The following PRELID2 variants were observed in gnomAD, a reference collection of about 807,000 sequenced individuals.
The protein encoded by PRELID2 is PRELI domain-containing protein 2.
In PRELID2, 25 loss-of-function variants were observed where a neutral mutation model predicts 28.4. That is an observed-to-expected ratio of 0.88 (90% CI 0.64 to 1.23). The LOEUF is 1.23. Ranked by LOEUF, PRELID2 falls within the 50% of genes most tolerant of loss-of-function variation. PRELID2 has a pLI of 0.00. For missense variants in PRELID2, 201 were observed against 214.4 expected, an observed-to-expected ratio of 0.94 and a Z score of 0.39; for synonymous variants, 76 against 71.6, an observed-to-expected ratio of 1.06 and a Z score of -0.31.
chr5:145,452,850 C>T, the PRELID2 span, among the ~76,000 whole-genome samples: 954 of 152,208 alleles, frequency 6.3e-3, 5 homozygotes, highest in African/African-American at 8.5e-3. Context: ...GCAAACACAT[C>T]AATGCCATTG....
chr5:145,459,487 A>G, the PRELID2 span, among the ~76,000 whole-genome samples: 1 of 152,158 alleles, frequency 6.6e-6, no homozygotes, highest in Non-Finnish European at 1.5e-5. Flanking sequence ...TCCCCATAGA[A>G]TCTATTCTTC....
At chr5:145,517,094 A>C (rs1752523787) in intron 1 of PRELID2, among the ~76,000 whole-genome samples, 1 of 152,192 alleles carries the variant, frequency 6.6e-6, no homozygotes, top group Non-Finnish European at 1.5e-5. Flanking sequence ...CTTCATGACT[A>C]AAACACCAAA....
At chr5:145,431,205 C>T in the PRELID2 span, among the ~76,000 whole-genome samples, 1 of 151,686 alleles carries the variant, frequency 6.6e-6, no homozygotes, top group African/African-American at 2.4e-5. Context: ...TTTATCCACT[C>T]CCAATCACTA....
At chr5:145,721,577 TA>T (rs1167071932) in intron 1 of PRELID2, among the ~76,000 whole-genome samples, 4 of 152,074 alleles carry the variant, frequency 2.6e-5, no homozygotes, top group Non-Finnish European at 5.9e-5. Context: ...ACAACTGAAA[TA>T]AAGTGACAGA....
intron 1 of PRELID2, among the ~76,000 whole-genome samples, chr5:145,583,040 C>T (rs1283083826): frequency 6.6e-6 from 1 of 152,084 alleles, no homozygotes; most frequent in Admixed American, 6.6e-5. Context: ...CAAAAATTCT[C>T]AATAAAATAC....
At chr5:145,811,770 C>A (rs952386289) in intron 4 of PRELID2, among the ~76,000 whole-genome samples, 1 of 152,208 alleles carries the variant, frequency 6.6e-6, no homozygotes, top group East Asian at 1.9e-4. Flanking sequence ...GCCTTGCTGG[C>A]TTTCCAATTC....
chr5:145,633,445 C>T (rs1753957760), intron 1 of PRELID2, among the ~76,000 whole-genome samples: 1 of 152,154 alleles, frequency 6.6e-6, no homozygotes, highest in Non-Finnish European at 1.5e-5. Flanking sequence ...CTCTAGTTCA[C>T]ATTTTCCTGG....
chr5:145,236,872 G>A, the PRELID2 span, among the ~76,000 whole-genome samples: 1 of 152,120 alleles, frequency 6.6e-6, no homozygotes, highest in African/African-American at 2.4e-5. Context: ...TATGTCTGTG[G>A]CACTTATTTT....
chr5:145,712,684 G>C (rs1177653655), intron 1 of PRELID2, among the ~76,000 whole-genome samples: 2 of 152,124 alleles, frequency 1.3e-5, no homozygotes, highest in Admixed American at 6.5e-5. Context: ...AGCCCATCAA[G>C]AGAGAATATA....
At chr5:145,777,175 C>A (rs558409566) in intron 5 of PRELID2, among the ~76,000 whole-genome samples, 4 of 152,170 alleles carry the variant, frequency 2.6e-5, no homozygotes, top group Non-Finnish European at 5.9e-5. Flanking sequence ...AAGAAGTGAG[C>A]TGCTGGAAAA....
At chr5:145,822,320 AAACATTTTCTGCAAAGAATCAGG>A (rs1226996900) in intron 2 of PRELID2, among the ~76,000 whole-genome samples, 16 of 152,330 alleles carry the variant, frequency 1.1e-4, no homozygotes, top group African/African-American at 3.8e-4. Context: ...AGGAATCAGT[AAACATTTTCTGCAAAGAATCAGG>A]TGCTAAATAA....
intron 1 of PRELID2, among the ~76,000 whole-genome samples, chr5:145,734,223 C>A (rs143490106): frequency 3.8e-4 from 58 of 152,282 alleles, no homozygotes; most frequent in Middle Eastern, 3.4e-3. Flanking sequence ...TGAAGCAATC[C>A]TCGCACCTCA....
chr5:145,410,015 C>A, the PRELID2 span, among the ~76,000 whole-genome samples: 3 of 152,148 alleles, frequency 2.0e-5, no homozygotes, highest in Non-Finnish European at 2.9e-5. Context: ...CAAATACTTA[C>A]AGCCAACTGA....
chr5:145,698,817 C>G (rs1244430838), intron 1 of PRELID2, among the ~76,000 whole-genome samples: 1 of 152,206 alleles, frequency 6.6e-6, no homozygotes, highest in Admixed American at 6.5e-5. Flanking sequence ...ACCTCTGCCT[C>G]CTGGGTTCAA....
At chr5:145,587,564 T>C (rs938571471) in intron 1 of PRELID2, among the ~76,000 whole-genome samples, 8 of 152,210 alleles carry the variant, frequency 5.3e-5, no homozygotes, top group African/African-American at 1.9e-4. Flanking sequence ...AACCTAGTCC[T>C]AATGATGTTT....
chr5:145,595,200 AC>A (rs1242066633), intron 1 of PRELID2, among the ~76,000 whole-genome samples: 1 of 151,108 alleles, frequency 6.6e-6, no homozygotes, highest in Non-Finnish European at 1.5e-5. Flanking sequence ...ACACACACAC[AC>A]TAGTTCAAAG....
chr5:145,516,486 G>C (rs1032173300), intron 1 of PRELID2, among the ~76,000 whole-genome samples: 1 of 152,200 alleles, frequency 6.6e-6, no homozygotes, highest in Non-Finnish European at 1.5e-5. Context: ...GGTAATAAGA[G>C]AGGATAAAAA....
At chr5:145,301,180 A>C in the PRELID2 span, among the ~76,000 whole-genome samples, 2 of 152,036 alleles carry the variant, frequency 1.3e-5, no homozygotes, top group Admixed American at 1.3e-4. Flanking sequence ...TTTTAATTGT[A>C]ATTACCCTGA....
intron 1 of PRELID2, among the ~76,000 whole-genome samples, chr5:145,575,881 T>C (rs1345858179): frequency 6.6e-6 from 1 of 152,086 alleles, no homozygotes; most frequent in Non-Finnish European, 1.5e-5. Flanking sequence ...CTCTCAAAGC[T>C]CCAGCTGTCC....
Sources: gnomAD v4.1 joint callset for allele counts (sites outside exome capture counted in the v4.1 genomes callset) on GRCh38, gnomAD v4.1.1 for gene constraint, MANE v1.5 for transcripts, NCBI Gene and HGNC (gene_info 2026-07-23, HGNC 2026-07-21) for gene names.